The following VSIG10L2 variants were observed in gnomAD, a reference collection of about 807,000 sequenced individuals.
VSIG10L2 encodes V-set and immunoglobulin domain-containing protein 10-like 2.
In VSIG10L2, 56 loss-of-function variants were observed where a neutral mutation model predicts 67.1. That is an observed-to-expected ratio of 0.83 (90% confidence interval 0.67 to 1.04). VSIG10L2 has a LOEUF of 1.04. Among genes scored for constraint, VSIG10L2 ranks in the 50% least tolerant of loss-of-function variants. VSIG10L2 has a pLI of 0.00. For missense variants in VSIG10L2, 843 were observed against 932.8 expected, an observed-to-expected ratio of 0.90 and a Z score of 1.25; for synonymous variants, 360 against 396.6, an observed-to-expected ratio of 0.91 and a Z score of 1.10.
At chr11:125,952,474 G>T (rs1408267112) in intron 6 of VSIG10L2, among the ~76,000 whole-genome samples, 1 of 152,092 alleles carries the variant, frequency 6.6e-6, no homozygotes, top group African/African-American at 2.4e-5. Flanking sequence ...CCAAAATCTG[G>T]TATATATACA....
Position 125,946,446 on chromosome 11 carries a change from A to T in VSIG10L2, c.82+309A>T, listed in dbSNP as rs1945303985. On this transcript the variant is annotated intron_variant, in intron 1 of 11. Transcript: ENST00000686984. This position sits in a 1 kb window ranked among gnomAD's most constrained non-coding sequence, Gnocchi z 4.4. Reference sequence around the variant, plus strand: ...TGAGGGGGATTAGGGCAATCAGGAGATCATTGCCATAATCCAGGTGAGAGA... The same window carrying T: ...TGAGGGGGATTAGGGCAATCAGGAGTTCATTGCCATAATCCAGGTGAGAGA... Among the ~76,000 whole-genome samples the T allele has an allele frequency of 6.6e-6, 1 of 152,138 alleles. No homozygotes were observed. Among genetic ancestry groups the T allele is most frequent in the Admixed American group, 6.5e-5 (1 of 15,270 alleles).
chr11:125,949,917 C>T (rs1945343191), intron 3 of VSIG10L2, 97 bp from the exon 4 acceptor site: 3 of 1,178,002 alleles, frequency 2.5e-6, no homozygotes, highest in Non-Finnish European at 3.2e-6. Flanking sequence ...GTGCATACTA[C>T]ATGCCCCTAG....
At chr11:125,954,676 G>A (rs918589047) in intron 8 of VSIG10L2, among the ~76,000 whole-genome samples, 14 of 152,268 alleles carry the variant, frequency 9.2e-5, no homozygotes, top group Admixed American at 7.2e-4. Flanking sequence ...AACAGGAGCC[G>A]ACTCTGTGCC....
intron 4 of VSIG10L2, 149 bp downstream of exon 4, chr11:125,950,438 T>A: frequency 3.7e-6 from 3 of 803,984 alleles, no homozygotes; most frequent in Non-Finnish European, 5.0e-6. Context: ...TCCAACCAAG[T>A]GGAGTTGGAG....
At position 125,948,573 on chromosome 11, in the gene VSIG10L2, C is replaced by T. The variant is rs1031000030; in HGVS notation, c.702C>T (p.Asp234=). 4.0e-5 allele frequency: 49 copies of T among 1,232,256 alleles called. No individual in the cohort carries two copies. The South Asian group carries it at 5.8e-4, about 14-fold the overall frequency. The allele number at this position is 1,232,256 out of a possible 1,614,324, so 76.3% of individuals were successfully genotyped here. ...NRLSSDGAFL[D]VIYGPDKPVI... ...TGAGCAGTGACGGGGCCTTCCTGGACGTCATTTGTGAGTCAGACTGTGGTG... is the reference window on the plus strand; with the variant it reads ...TGAGCAGTGACGGGGCCTTCCTGGATGTCATTTGTGAGTCAGACTGTGGTG... Residue 234 remains aspartate, a synonymous_variant, in exon 3 of 12, where the codon GAC becomes GAT. Transcript: ENST00000686984.
Position 125,954,194 on chromosome 11 carries a change from T to C in VSIG10L2, c.1894T>C (p.Phe632Leu). The C allele has an allele frequency of 8.1e-7, 1 of 1,232,218 alleles. No individual in the cohort carries two copies. Among genetic ancestry groups the C allele is most frequent in the Non-Finnish European group, 1.0e-6 (1 of 988,020 alleles). The allele number at this position is 1,232,218 out of a possible 1,614,324, so 76.3% of individuals were successfully genotyped here. A position where few individuals can be genotyped will look rare whatever the true frequency, so the allele number is the denominator to read the frequency against. ...AILGPGNLTG[F>L]LVQRKASALG... is the part of the protein sequence containing the mutation. ...CTTAGGACCCGGGAACCTGACGGGC[T>C]TCCTGGTGCAGCGGAAGGCCAGTGC... is the stretch of plus-strand genomic sequence containing the variant. The change falls in exon 8 of 12, where the codon TTC (phenylalanine) becomes CTC (leucine). Residue 632 changes from phenylalanine to leucine, a missense_variant. Physicochemically the swap from Phe to Leu is conservative, Grantham distance 22. This residue lies in a region of VSIG10L2 where 397 missense variants were observed against 384.4 expected (regional missense o/e 1.03). Transcript: ENST00000686984.
rs1193952336 is a variant in VSIG10L2, at chr11:125,955,874, C to G, written c.2342C>G (p.Ser781Cys). Residue 781 changes from serine to cysteine, a missense_variant, in exon 12 of 12, where the codon TCT becomes TGT. Around this residue, in one of 2 missense-constraint regions of VSIG10L2, gnomAD observed 397 missense variants for 384.4 expected, o/e 1.03. Transcript: ENST00000686984. ...GLDPAQETTD[S>C]PVNVTITVTA... ...GATCCTGCACAAGAAACCACGGATT[C>G]TCCAGTGAATGTCACCATCACAGTG... The G allele has an allele frequency of 2.9e-6, 2 of 693,750 alleles. No homozygotes were observed. Among genetic ancestry groups the G allele is most frequent in the African/African-American group, 3.5e-5 (2 of 56,894 alleles). 43.0% of individuals were successfully genotyped at this position (693,750 alleles called of 1,614,324 possible).
At chr11:125,947,303 T>C (rs1008808387) in intron 1 of VSIG10L2, 5 of 402,530 alleles carry the variant, frequency 1.2e-5, no homozygotes, top group African/African-American at 1.1e-4. Context: ...AGACTGATCT[T>C]GGGGCGCTTG....
At position 125,948,465 on chromosome 11, in the gene VSIG10L2, T is replaced by C; in HGVS notation, c.594T>C (p.Thr198=). ...RGLGEALVGV[T]EPLFQLDPVN... Reference sequence around the variant, plus strand: ...TTGGAGAGGCCCTGGTGGGGGTCACTGAGCCACTATTCCAGCTGGACCCTG... The same window carrying C: ...TTGGAGAGGCCCTGGTGGGGGTCACCGAGCCACTATTCCAGCTGGACCCTG... The change falls in exon 3 of 12, where the codon ACT becomes ACC. Residue 198 remains threonine (T), a synonymous_variant. Transcript: ENST00000686984. 1 of 1,232,390 alleles carries C rather than the reference T, an allele frequency of 8.1e-7. No homozygotes were observed. The allele number at this position is 1,232,390 out of a possible 1,614,324, so 76.3% of individuals were successfully genotyped here. A position where few individuals can be genotyped will look rare whatever the true frequency, so the allele number is the denominator to read the frequency against.
chr11:125,953,170 A>G (rs1324567486), intron 6 of VSIG10L2, among the ~76,000 whole-genome samples: 1 of 152,174 alleles, frequency 6.6e-6, no homozygotes, highest in Non-Finnish European at 1.5e-5. Flanking sequence ...GGGAAGGAAC[A>G]GGGAGGAACA....
In VSIG10L2 at chr11:125,955,104, A is replaced by C; in HGVS notation, c.2131A>C (p.Thr711Pro). Residue 711 changes from threonine (T) to proline (P), a missense_variant, in exon 9 of 12, where the codon ACG (threonine) becomes CCG (proline). Transcript: ENST00000686984. ...AYPAVLGAAG[T>P]GMVVATVASL... is the part of the protein sequence containing the mutation. ...CCCAGCGGTGTTGGGTGCAGCAGGC[A>C]CGGGAATGGTGGTAGCAACGGTGGC... 8.1e-7 allele frequency: 1 copy of C among 1,239,330 alleles called. No homozygotes were observed. The highest frequency in any genetic ancestry group is 1.0e-6 in the Non-Finnish European group (1 of 992,542). 76.8% of individuals were successfully genotyped at this position (1,239,330 alleles called of 1,614,324 possible).
intron 8 of VSIG10L2, 111 bp downstream of exon 8, chr11:125,954,494 T>C (rs1945423576): frequency 3.2e-6 from 3 of 940,904 alleles, no homozygotes; most frequent in Non-Finnish European, 4.2e-6. Flanking sequence ...CGCATCCTAC[T>C]GAATTCTCCC....
In VSIG10L2 at chr11:125,955,665, C is replaced by T; in HGVS notation, c.2282C>T (p.Ala761Val). ...TCCAGAGAAGATGCTGAGGCACCGG[C>T]AGGTAAGCACCTTATCCAGAAAAAG... is the stretch of plus-strand genomic sequence containing the variant. ...RGSREDAEAPAGLETPTTTPG... is the reference protein window; with the variant it reads ...RGSREDAEAPVGLETPTTTPG... The change falls in exon 11 of 12, where the codon GCA (alanine) becomes GTA (valine). Residue 761 changes from alanine to valine, a missense_variant and splice_region_variant. Ala to Val is a moderately conservative substitution (Grantham distance 64, BLOSUM62 0). Transcript: ENST00000686984. 6.5e-7 allele frequency: 1 copy of T among 1,533,156 alleles called. No homozygotes were observed. Among genetic ancestry groups the T allele is most frequent in the Non-Finnish European group, 8.7e-7 (1 of 1,145,620 alleles). The allele number at this position is 1,533,156 out of a possible 1,614,324, so 95.0% of individuals were successfully genotyped here.
At chr11:125,949,671 A>C (rs1031952350) in intron 3 of VSIG10L2, among the ~76,000 whole-genome samples, 1 of 152,188 alleles carries the variant, frequency 6.6e-6, no homozygotes, top group Non-Finnish European at 1.5e-5. Flanking sequence ...TTACTTCTGC[A>C]GTCTACAGTG....
At position 125,946,138 on chromosome 11, in the gene VSIG10L2, G is replaced by A. The variant is rs769680238; in HGVS notation, c.82+1G>A. 1 of 399,010 alleles carries A rather than the reference G, an allele frequency of 2.5e-6. No individual in the cohort carries two copies. Among genetic ancestry groups the A allele is most frequent in the Non-Finnish European group, 4.4e-6 (1 of 226,090 alleles). The allele number at this position is 399,010 out of a possible 1,614,324, so 24.7% of individuals were successfully genotyped here. Reference sequence around the variant, plus strand: ...TGCCTTCTGCACCTGAGGGCCTCAGGTGAGTGATACTCAGACCCCCCAGGG... The same window carrying A: ...TGCCTTCTGCACCTGAGGGCCTCAGATGAGTGATACTCAGACCCCCCAGGG... On this transcript the variant is annotated splice_donor_variant, in intron 1 of 11. Transcript: ENST00000686984. LOFTEE classifies it high-confidence loss of function. The surrounding 1 kb of genome is among the most constrained non-coding windows in gnomAD (Gnocchi z 4.4).
At chr11:125,954,438 G>A in intron 8 of VSIG10L2, 55 bp downstream of exon 8, 1 of 1,221,916 alleles carries the variant, frequency 8.2e-7, no homozygotes, top group Non-Finnish European at 1.0e-6. Context: ...CTGGCCCCTG[G>A]TTCATCTTCC....
In VSIG10L2 at chr11:125,954,118, C is replaced by A. The variant is rs192608745; in HGVS notation, c.1818C>A (p.Ser606Arg). ...RYPAPPNVTISRLTYGRHRRE... is the reference protein window; with the variant it reads ...RYPAPPNVTIRRLTYGRHRRE... ...CAGCTCCTCCCAATGTCACCATCAGCCGCCTGACCTACGGGAGGCACCGGA... is the reference window on the plus strand; with the variant it reads ...CAGCTCCTCCCAATGTCACCATCAGACGCCTGACCTACGGGAGGCACCGGA... Residue 606 changes from serine (S) to arginine (R), a missense_variant, in exon 8 of 12, where the codon AGC becomes AGA. Coordinates refer to ENST00000686984, the MANE Select transcript of VSIG10L2 (RefSeq NM_001365077.2). 1.9e-5 allele frequency: 24 copies of A among 1,232,146 alleles called. No homozygotes were observed. The African/African-American group carries it at 3.3e-4, about 17-fold the overall frequency. The allele number at this position is 1,232,146 out of a possible 1,614,324, so 76.3% of individuals were successfully genotyped here. A position where few individuals can be genotyped will look rare whatever the true frequency, so the allele number is the denominator to read the frequency against.
intron 6 of VSIG10L2, among the ~76,000 whole-genome samples, chr11:125,953,049 G>A (rs550086596): frequency 3.3e-5 from 5 of 152,304 alleles, no homozygotes; most frequent in Non-Finnish European, 5.9e-5. Flanking sequence ...GGAGCCAGCC[G>A]GGAGGTGGGG....
chr11:125,955,729 G>T, intron 11 of VSIG10L2, 62 bp downstream of exon 11: 3 of 1,352,496 alleles, frequency 2.2e-6, no homozygotes, highest in South Asian at 2.5e-5. Flanking sequence ...GGGTGCTGAG[G>T]GTGATGCTTG....
Sources: allele counts gnomAD v4.1 joint callset (sites outside exome capture counted in the v4.1 genomes callset), GRCh38; gene constraint gnomAD v4.1.1; regional missense constraint gnomAD v4.1.1; non-coding constraint Gnocchi (gnomAD v3.1); transcripts MANE v1.5; gene names NCBI Gene and HGNC (gene_info 2026-07-23, HGNC 2026-07-21).